Variants in PTPRD observed in about 807,000 individuals in gnomAD.
The protein encoded by PTPRD is receptor-type tyrosine-protein phosphatase delta.
A neutral mutation model predicts 214.5 loss-of-function variants in PTPRD; 34 were observed. That is an observed-to-expected ratio of 0.16 (90% CI 0.12 to 0.21). The LOEUF (loss-of-function observed/expected upper bound fraction) is 0.21. Ranked by LOEUF, PTPRD falls within the 10% of genes least tolerant of loss-of-function variation. PTPRD has a pLI of 1.00. For synonymous variants in PTPRD, 1,128 were observed against 845.7 expected, an observed-to-expected ratio of 1.33 and a Z score of -5.79; for missense variants, 2,545 against 2,398.7, an observed-to-expected ratio of 1.06 and a Z score of -1.27.
intron 3 of PTPRD, among the ~76,000 whole-genome samples, chr9:10,168,363 A>G (rs577252778): frequency 9.4e-4 from 137 of 145,522 alleles, no homozygotes; most frequent in African/African-American, 3.0e-3. Flanking sequence ...TATAATAGGT[A>G]GTGCTGCTTA....
chr9:10,319,690 C>T (rs969699203), intron 3 of PTPRD, among the ~76,000 whole-genome samples: 1 of 151,892 alleles, frequency 6.6e-6, no homozygotes, highest in African/African-American at 2.4e-5. Context: ...TATAACTACT[C>T]ATCTAGTGTT....
At chr9:9,359,988 C>A (rs1462421471) in intron 9 of PTPRD, among the ~76,000 whole-genome samples, 2 of 151,184 alleles carry the variant, frequency 1.3e-5, no homozygotes, top group East Asian at 1.9e-4. Context: ...TGCAGATAGT[C>A]TCTAGTAAGG....
chr9:9,899,822 AAAG>A (rs2075962575), intron 5 of PTPRD, among the ~76,000 whole-genome samples: 1 of 152,120 alleles, frequency 6.6e-6, no homozygotes, highest in South Asian at 2.1e-4. Flanking sequence ...AGAAACAGAT[AAAG>A]AAGATTTATT....
At chr9:9,254,245 A>T (rs1343245260) in intron 9 of PTPRD, among the ~76,000 whole-genome samples, 1 of 152,150 alleles carries the variant, frequency 6.6e-6, no homozygotes, top group East Asian at 2.0e-4. Context: ...TTTCATTAGG[A>T]ATTCTATTAG....
In PTPRD at chr9:10,356,673, G is replaced by GT. The variant is rs139272653; in HGVS notation, c.-599-15657dup. Among the ~76,000 whole-genome samples, 767 of 151,590 alleles carry GT rather than the reference G, an allele frequency of 5.1e-3. 12 individuals are homozygous for GT. The highest frequency in any genetic ancestry group is 0.017 in the African/African-American group (711 of 41,326). ...TTATGGCTCATGTATTCATAAAAATGTTTTTTTTCTTTTTTCTTTTTTTTT... is the reference window on the plus strand; with the variant it reads ...TTATGGCTCATGTATTCATAAAAATGTTTTTTTTTCTTTTTTCTTTTTTTTT... On this transcript the variant is annotated intron_variant, in intron 2 of 45. Transcript: ENST00000381196.
intron 6 of PTPRD, among the ~76,000 whole-genome samples, chr9:9,765,884 G>C (rs1219561612): frequency 1.3e-5 from 2 of 151,974 alleles, no homozygotes; most frequent in Non-Finnish European, 2.9e-5. Context: ...GGATGGTCTC[G>C]ATCTCCTGAC....
At chr9:8,342,232 T>C (rs781580792) in intron 39 of PTPRD, among the ~76,000 whole-genome samples, 1 of 152,062 alleles carries the variant, frequency 6.6e-6, no homozygotes, top group African/African-American at 2.4e-5. Flanking sequence ...ATAATCACTA[T>C]GTTCCTTGAT....
At chr9:8,432,559 T>A (rs1404734766) in intron 35 of PTPRD, among the ~76,000 whole-genome samples, 1 of 152,222 alleles carries the variant, frequency 6.6e-6, no homozygotes, top group Admixed American at 6.5e-5. Flanking sequence ...GAGTAAACAT[T>A]TACTCACAGT....
chr9:8,926,333 T>A (rs544637804), intron 11 of PTPRD, among the ~76,000 whole-genome samples: 1 of 152,274 alleles, frequency 6.6e-6, no homozygotes, highest in African/African-American at 2.4e-5. Flanking sequence ...TATCTTATGC[T>A]TACCTCAATA....
At chr9:8,664,440 T>C (rs2097130165) in intron 12 of PTPRD, among the ~76,000 whole-genome samples, 1 of 152,194 alleles carries the variant, frequency 6.6e-6, no homozygotes, top group Non-Finnish European at 1.5e-5. Context: ...GTTTAAGCAC[T>C]ATGGGTACAA....
chr9:10,521,007 A>C lies in PTPRD; in HGVS notation c.-600+91391T>G, dbSNP rs542747406. 5.9e-5 allele frequency among the ~76,000 whole-genome samples: 9 copies of C among 151,826 alleles called. No homozygotes were observed. The East Asian group carries it at 7.8e-4, about 13-fold the overall frequency. ...CATGTAGCCTATGGATCAAGGAGTA[A>C]ATTTTTACTTTCAAGTCATTATTTT... is the stretch of plus-strand genomic sequence containing the variant. On this transcript the variant is annotated intron_variant, in intron 2 of 45. Transcript: ENST00000381196.
At chr9:9,570,690 G>A (rs573195421) in intron 8 of PTPRD, among the ~76,000 whole-genome samples, 1 of 151,518 alleles carries the variant, frequency 6.6e-6, no homozygotes, top group South Asian at 2.1e-4. Flanking sequence ...ATGACACAGA[G>A]ATCGATAATT....
intron 7 of PTPRD, among the ~76,000 whole-genome samples, chr9:9,646,539 T>C (rs1261638941): frequency 6.6e-6 from 1 of 152,132 alleles, no homozygotes; most frequent in Non-Finnish European, 1.5e-5. Flanking sequence ...TAGGTATTAT[T>C]ATCTGTTTAT....
At chr9:10,520,623 G>A (rs921292647) in intron 2 of PTPRD, among the ~76,000 whole-genome samples, 1 of 152,166 alleles carries the variant, frequency 6.6e-6, no homozygotes, top group South Asian at 2.1e-4. Context: ...TTCATAGCTA[G>A]AGAAGGGAAG....
At chr9:8,674,419 C>G in intron 12 of PTPRD, among the ~76,000 whole-genome samples, 1 of 145,070 alleles carries the variant, frequency 6.9e-6, no homozygotes. Context: ...GATCGCGCCA[C>G]TGCACTCCAG....
chr9:9,083,956 G>A (rs1193922190), intron 10 of PTPRD, among the ~76,000 whole-genome samples: 3 of 152,150 alleles, frequency 2.0e-5, no homozygotes, highest in Admixed American at 6.5e-5. Flanking sequence ...CTGTTGGTGG[G>A]AGTGTAAATT....
At chr9:9,530,844 G>C (rs2075302703) in intron 8 of PTPRD, among the ~76,000 whole-genome samples, 2 of 152,106 alleles carry the variant, frequency 1.3e-5, no homozygotes, top group South Asian at 4.1e-4. Flanking sequence ...ATCTCAGGGA[G>C]GTAGAGAACA....
At chr9:8,431,801 TG>T (rs1053416769) in intron 35 of PTPRD, among the ~76,000 whole-genome samples, 5 of 152,210 alleles carry the variant, frequency 3.3e-5, no homozygotes, top group African/African-American at 1.2e-4. Flanking sequence ...AATTTTATTG[TG>T]TCTCTGCCAG....
chr9:9,741,960 G>C (rs1344265551), intron 6 of PTPRD, among the ~76,000 whole-genome samples: 2 of 151,926 alleles, frequency 1.3e-5, no homozygotes, highest in African/African-American at 4.8e-5. Context: ...TAATCCTTTG[G>C]GTATATACCT....
Sources: allele counts gnomAD v4.1 joint callset (sites outside exome capture counted in the v4.1 genomes callset), GRCh38; gene constraint gnomAD v4.1.1; transcripts MANE v1.5; gene names NCBI Gene and HGNC (gene_info 2026-07-23, HGNC 2026-07-21).